Variants in RALGPS2 observed in about 807,000 individuals in gnomAD.
RALGPS2 encodes Ral GEF with PH domain and SH3 binding motif 2, also known as ras-specific guanine nucleotide-releasing factor RalGPS2.
RALGPS2 carries 43 observed loss-of-function variants against 86.8 expected under a neutral mutation model. The observed-to-expected ratio is 0.50, with a 90% confidence interval of 0.39 to 0.64. The LOEUF is 0.64. Among genes scored for constraint, RALGPS2 ranks in the 30% least tolerant of loss-of-function variants. The pLI, the probability that RALGPS2 is intolerant of heterozygous loss-of-function variation, is 0.00. For missense variants in RALGPS2, 536 were observed against 694.6 expected (o/e 0.77, Z 2.57); for synonymous variants, 243 against 231.3 (o/e 1.05, Z -0.46).
intron 1 of RALGPS2, among the ~76,000 whole-genome samples, chr1:178,761,891 C>T (rs73037769): frequency 0.011 from 1,696 of 152,014 alleles, 26 homozygotes; most frequent in African/African-American, 0.039. Context: ...TTTTAGGGTC[C>T]GGGGTATTTG....
chr1:178,821,908 G>A (rs1451416987), intron 7 of RALGPS2, among the ~76,000 whole-genome samples: 2 of 151,992 alleles, frequency 1.3e-5, no homozygotes, highest in Non-Finnish European at 2.9e-5. Context: ...GGTACAGCTT[G>A]GTGCTTAGTT....
At chr1:178,899,637 TTTGG>T (rs1457275060) in intron 17 of RALGPS2, among the ~76,000 whole-genome samples, 3 of 146,310 alleles carry the variant, frequency 2.1e-5, no homozygotes, top group African/African-American at 8.1e-5. Flanking sequence ...TGGTTTTGGT[TTTGG>T]TTTTGGTTTT....
intron 1 of RALGPS2, among the ~76,000 whole-genome samples, chr1:178,761,772 G>T (rs1332777660): frequency 6.6e-6 from 1 of 152,054 alleles, no homozygotes; most frequent in Non-Finnish European, 1.5e-5. Context: ...TGTTGGCCAG[G>T]CAGGTCTCAA....
intron 8 of RALGPS2, chr1:178,853,633 G>A (rs748078105): frequency 1.4e-5 from 22 of 1,606,202 alleles, no homozygotes; most frequent in South Asian, 5.6e-5. Flanking sequence ...TGACAGAGCC[G>A]TCTGTTCTTT....
At position 178,780,178 on chromosome 1, in the gene RALGPS2, C is replaced by T. The variant is rs147263560; in HGVS notation, c.57+3357C>T. On this transcript the variant is annotated intron_variant, in intron 2 of 19. Transcript: ENST00000367635. The stretch of plus-strand genomic sequence containing the variant: ...TTTTCCATATTCTGCTGGTTAGAAA[C>T]AAGTCACAGGTTCTGCCCACACTCA... 7.4e-4 allele frequency among the ~76,000 whole-genome samples: 112 copies of T among 152,220 alleles called. 1 individual carries two copies. Among genetic ancestry groups the T allele is most frequent in the African/African-American group, 2.5e-3 (104 of 41,528 alleles).
chr1:178,889,134 A>T lies in RALGPS2; in HGVS notation c.1193-508A>T, dbSNP rs559388599. Among the ~76,000 whole-genome samples, 4 of 152,074 alleles carry T rather than the reference A, an allele frequency of 2.6e-5. No individual in the cohort carries two copies. The East Asian group carries it at 5.8e-4, about 22-fold the overall frequency. On this transcript the variant is annotated intron_variant, in intron 13 of 19. Coordinates refer to ENST00000367635, the MANE Select transcript of RALGPS2 (RefSeq NM_152663.5). Reference sequence around the variant, plus strand: ...AAAGAGAAAATTGTTGCATTTTTATAGCACCGGTTTTTGGTTTTTTAAATT... The same window carrying T: ...AAAGAGAAAATTGTTGCATTTTTATTGCACCGGTTTTTGGTTTTTTAAATT...
chr1:178,742,677 A>C (rs1358809829), intron 1 of RALGPS2, among the ~76,000 whole-genome samples: 1 of 152,242 alleles, frequency 6.6e-6, no homozygotes, highest in Non-Finnish European at 1.5e-5. Context: ...ATGTCTACAG[A>C]ACATTTTTCA....
intron 8 of RALGPS2, among the ~76,000 whole-genome samples, chr1:178,875,684 G>A (rs1448328515): frequency 6.6e-6 from 1 of 151,962 alleles, no homozygotes; most frequent in Non-Finnish European, 1.5e-5. Context: ...GAAGGCAGAG[G>A]TGGCAGTGAG....
Position 178,733,779 on chromosome 1 carries a change from G to A in RALGPS2, c.-84+8360G>A, listed in dbSNP as rs565509351. 8.2e-4 allele frequency among the ~76,000 whole-genome samples: 125 copies of A among 152,210 alleles called. 1 individual carries two copies. Among genetic ancestry groups the A allele is most frequent in the African/African-American group, 2.8e-3 (118 of 41,524 alleles). The stretch of plus-strand genomic sequence containing the variant: ...ACATGTACATTAGAAGAAAACATAG[G>A]GGTAAATCTTTATGACCTTGGAATA... On this transcript the variant is annotated intron_variant, in intron 1 of 19. Coordinates refer to ENST00000367635, the MANE Select transcript of RALGPS2 (RefSeq NM_152663.5).
chr1:178,878,890 C>T lies in RALGPS2; in HGVS notation c.746-12C>T, dbSNP rs1203297475. On this transcript the variant is annotated splice_polypyrimidine_tract_variant and intron_variant, in intron 9 of 19. Coordinates refer to ENST00000367635, the MANE Select transcript of RALGPS2 (RefSeq NM_152663.5). ...TACTTTATCAGATAATTATTTATCA[C>T]CTTTTGCCTAGATATTCCCATGTTG... 1 of 1,611,192 alleles carries T rather than the reference C, an allele frequency of 6.2e-7. No homozygotes were observed. Among genetic ancestry groups the T allele is most frequent in the Non-Finnish European group, 8.5e-7 (1 of 1,178,912 alleles).
At chr1:178,906,687 A>T (rs1660401482) in intron 18 of RALGPS2, 89 bp from the exon 19 acceptor site, 2 of 971,198 alleles carry the variant, frequency 2.1e-6, no homozygotes, top group East Asian at 5.3e-5. Flanking sequence ...AACTCTAGTC[A>T]TGTTTAATTT....
chr1:178,849,893 T>A (rs890966910), intron 8 of RALGPS2: 1 of 152,244 alleles, frequency 6.6e-6, no homozygotes, highest in Non-Finnish European at 1.5e-5. Flanking sequence ...AGCAAAAGTT[T>A]CATGAGCTAT....
intron 6 of RALGPS2, 36 bp downstream of exon 6, chr1:178,811,440 C>A (rs915686667): frequency 7.5e-7 from 1 of 1,325,916 alleles, no homozygotes; most frequent in African/African-American, 1.5e-5. Flanking sequence ...TTGAGTTCAA[C>A]CATTCATAAA....
At chr1:178,813,877 GACA>G (rs1162913011) in intron 6 of RALGPS2, among the ~76,000 whole-genome samples, 1 of 152,136 alleles carries the variant, frequency 6.6e-6, no homozygotes, top group Non-Finnish European at 1.5e-5. Context: ...ATATCTTCAT[GACA>G]ACACCTAGAT....
chr1:178,800,246 AT>A (rs1488362765), intron 4 of RALGPS2, among the ~76,000 whole-genome samples: 1 of 152,240 alleles, frequency 6.6e-6, no homozygotes, highest in East Asian at 1.9e-4. Context: ...GGACCGTTCT[AT>A]GATACAGGCA....
chr1:178,899,023 A>G (rs1558177725), intron 17 of RALGPS2, among the ~76,000 whole-genome samples: 1 of 151,980 alleles, frequency 6.6e-6, no homozygotes, highest in Non-Finnish European at 1.5e-5. Flanking sequence ...ACATTGAGAT[A>G]CTTGCTGGAT....
intron 19 of RALGPS2, among the ~76,000 whole-genome samples, chr1:178,911,861 A>G (rs1475249530): frequency 1.3e-5 from 2 of 152,176 alleles, no homozygotes; most frequent in Non-Finnish European, 2.9e-5. Flanking sequence ...TAGGTCTCTA[A>G]GAACTTGTTT....
chr1:178,874,306 A>G (rs1189657768), intron 8 of RALGPS2, among the ~76,000 whole-genome samples: 2 of 152,198 alleles, frequency 1.3e-5, no homozygotes, highest in East Asian at 3.8e-4. Flanking sequence ...AAGTTAATAG[A>G]TATTTTACAT....
intron 8 of RALGPS2, among the ~76,000 whole-genome samples, chr1:178,857,114 T>C (rs1237717697): frequency 6.6e-6 from 1 of 152,178 alleles, no homozygotes; most frequent in Non-Finnish European, 1.5e-5. Flanking sequence ...AGAATTTTAA[T>C]TTCTTATGTG....
Sources: allele counts gnomAD v4.1 joint callset (sites outside exome capture counted in the v4.1 genomes callset), GRCh38; gene constraint gnomAD v4.1.1; transcripts MANE v1.5; gene names NCBI Gene and HGNC (gene_info 2026-07-23, HGNC 2026-07-21).